The following ZNF423 variants were observed in gnomAD, a reference collection of about 807,000 sequenced individuals.
ZNF423 encodes the protein Ebf-associated zinc finger protein.
Under a neutral mutation model 95.8 loss-of-function variants are expected in ZNF423, and 12 were observed. The ratio of observed to expected loss-of-function variants is 0.13; its 90% CI spans 0.08 to 0.20. The LOEUF is 0.20. ZNF423 is among the 10% of genes least tolerant of loss of function. The pLI is 1.00. For missense variants in ZNF423, 1,316 were observed against 1,737.1 expected (o/e 0.76, Z 4.31); for synonymous variants, 749 against 711.9 (o/e 1.05, Z -0.83).
At chr16:49,620,672 G>T (rs373812728) in intron 5 of ZNF423, among the ~76,000 whole-genome samples, 3 of 152,092 alleles carry the variant, frequency 2.0e-5, no homozygotes, top group Non-Finnish European at 4.4e-5. Context: ...CAAGGGGCCC[G>T]TGAGGCCCTG....
In ZNF423 at chr16:49,707,784, G is replaced by A. The variant is rs144499338; in HGVS notation, c.301+22987C>T. On this transcript the variant is annotated intron_variant, in intron 3 of 7. Transcript: ENST00000563137. Reference sequence around the variant, plus strand: ...CTAGTGCCCTAAGCACTTCCTTGCAGATTTGCAGATCTTATTTTACTTACT... The same window carrying A: ...CTAGTGCCCTAAGCACTTCCTTGCAAATTTGCAGATCTTATTTTACTTACT... Among the ~76,000 whole-genome samples, 200 of 152,142 alleles carry A rather than the reference G, an allele frequency of 1.3e-3. 1 individual carries two copies. Among genetic ancestry groups the A allele is most frequent in the African/African-American group, 4.1e-3 (172 of 41,514 alleles).
intron 7 of ZNF423, among the ~76,000 whole-genome samples, chr16:49,507,020 G>A (rs1228738378): frequency 6.6e-6 from 1 of 152,074 alleles, no homozygotes; most frequent in Non-Finnish European, 1.5e-5. Flanking sequence ...TTGATGAGTT[G>A]ATGAGAAGAC....
Position 49,635,835 on chromosome 16 carries a change from C to G in ZNF423, c.3341G>C (p.Gly1114Ala), listed in dbSNP as rs1424779076. ...GTCGGCGGGCTCGGGCGGGGCCAGG[C>G]CACCCACCTGTCCGTTGGCGCTGCG... ...MARSANGQVGGLAPPEPADRP... is the reference protein window; with the variant it reads ...MARSANGQVGALAPPEPADRP... The change falls in exon 4 of 8, where the codon GGC (glycine) becomes GCC (alanine). Residue 1114 changes from glycine (G) to alanine (A), a missense_variant. Gly to Ala is a moderately conservative substitution (Grantham distance 60). Transcript: ENST00000563137. The surrounding 1 kb of genome is among the most constrained non-coding windows in gnomAD (Gnocchi z 4.8). 3 of 1,605,032 alleles carry G rather than the reference C, an allele frequency of 1.9e-6. No individual in the cohort carries two copies. The African/African-American group carries it at 4.0e-5, about 22-fold the overall frequency.
intron 4 of ZNF423, among the ~76,000 whole-genome samples, chr16:49,629,271 T>C (rs984821924): frequency 5.9e-5 from 9 of 152,260 alleles, no homozygotes; most frequent in Non-Finnish European, 1.3e-4. Flanking sequence ...TCTTGCTTTT[T>C]TCTTTGCATC....
intron 5 of ZNF423, among the ~76,000 whole-genome samples, chr16:49,606,760 G>A (rs1458829545): frequency 6.6e-6 from 1 of 152,220 alleles, no homozygotes; most frequent in Non-Finnish European, 1.5e-5. Context: ...AACACAGCGA[G>A]GAACATTCTA....
intron 3 of ZNF423, among the ~76,000 whole-genome samples, chr16:49,723,716 G>A (rs539273964): frequency 1.3e-5 from 2 of 152,264 alleles, no homozygotes; most frequent in South Asian, 4.1e-4. Flanking sequence ...TTAGATTCCT[G>A]ATCCACTTGG....
chr16:49,772,568 C>T (rs1010089275), intron 2 of ZNF423, among the ~76,000 whole-genome samples: 8 of 152,212 alleles, frequency 5.3e-5, no homozygotes, highest in African/African-American at 1.7e-4. Flanking sequence ...AAGGGAGTGC[C>T]AGGTTCTAAA....
chr16:49,493,571 T>C (rs1967053250), intron 7 of ZNF423, among the ~76,000 whole-genome samples: 1 of 152,086 alleles, frequency 6.6e-6, no homozygotes, highest in African/African-American at 2.4e-5. Flanking sequence ...GGGTGGGTCA[T>C]TCTTTATTAG....
At chr16:49,803,024 G>T (rs1193236934) in intron 1 of ZNF423, among the ~76,000 whole-genome samples, 1 of 152,124 alleles carries the variant, frequency 6.6e-6, no homozygotes, top group African/African-American at 2.4e-5. Flanking sequence ...GGAGGCCAAG[G>T]TGGGAGGATC....
chr16:49,721,207 C>G (rs1196968098), intron 3 of ZNF423, among the ~76,000 whole-genome samples: 1 of 152,142 alleles, frequency 6.6e-6, no homozygotes, highest in East Asian at 1.9e-4. Flanking sequence ...TCAATTTGAG[C>G]CAAGTCTCTA....
chr16:49,555,824 G>A (rs927888522), intron 5 of ZNF423, among the ~76,000 whole-genome samples: 5 of 152,138 alleles, frequency 3.3e-5, no homozygotes, highest in African/African-American at 1.2e-4. Context: ...TGGTGAGATG[G>A]AGAGATGGAT....
intron 3 of ZNF423, among the ~76,000 whole-genome samples, chr16:49,729,818 T>A (rs2033118168): frequency 6.6e-6 from 1 of 152,098 alleles, no homozygotes; most frequent in South Asian, 2.1e-4. Context: ...CAAGATGATA[T>A]GAGGAGTAGA....
chr16:49,576,347 G>C (rs79898773), intron 5 of ZNF423, among the ~76,000 whole-genome samples: 52,259 of 152,142 alleles, frequency 0.34, 9,375 homozygotes, highest in East Asian at 0.61. Context: ...CTCGTGGTGG[G>C]GGCAGGGGCA....
intron 5 of ZNF423, among the ~76,000 whole-genome samples, chr16:49,622,863 A>C (rs1972130794): frequency 4.6e-5 from 7 of 152,172 alleles, no homozygotes. Flanking sequence ...AGCTGTTAGC[A>C]TCCTTATTCA....
intron 4 of ZNF423, among the ~76,000 whole-genome samples, chr16:49,626,609 C>T (rs998159036): frequency 6.6e-6 from 1 of 152,038 alleles, no homozygotes; most frequent in Non-Finnish European, 1.5e-5. Flanking sequence ...ATCTACCCAT[C>T]CACCCATCTA....
In ZNF423 at chr16:49,701,549, C is replaced by T. The variant is rs550756632; in HGVS notation, c.301+29222G>A. On this transcript the variant is annotated intron_variant, in intron 3 of 7. Coordinates refer to ENST00000563137, the MANE Select transcript of ZNF423 (RefSeq NM_001379286.1). ...ACGGTTAATGATAATGAGACGGCAGCGCGCTACAGGAGCTTAACAGCTCTA... is the reference window on the plus strand; with the variant it reads ...ACGGTTAATGATAATGAGACGGCAGTGCGCTACAGGAGCTTAACAGCTCTA... Among the ~76,000 whole-genome samples the T allele has an allele frequency of 5.3e-5, 8 of 152,160 alleles. No homozygotes were observed. In the South Asian group the frequency reaches 1.2e-3, roughly 24 times the overall value.
At chr16:49,658,372 A>T (rs940856024) in intron 3 of ZNF423, among the ~76,000 whole-genome samples, 1 of 152,224 alleles carries the variant, frequency 6.6e-6, no homozygotes, top group African/African-American at 2.4e-5. Flanking sequence ...GAAGAGCCAG[A>T]GCATTTTCAA....
intron 1 of ZNF423, among the ~76,000 whole-genome samples, chr16:49,838,586 A>C (rs1296182466): frequency 1.3e-5 from 2 of 151,934 alleles, no homozygotes; most frequent in Non-Finnish European, 2.9e-5. Context: ...CGAGGCGCAC[A>C]TCTGGCTGGC....
intron 1 of ZNF423, among the ~76,000 whole-genome samples, chr16:49,817,475 C>T (rs1483504977): frequency 2.0e-5 from 3 of 152,120 alleles, no homozygotes; most frequent in East Asian, 1.9e-4. Context: ...ATAAAAGAGA[C>T]GCAGAGGCCT....
Sources: allele counts gnomAD v4.1 joint callset (sites outside exome capture counted in the v4.1 genomes callset), GRCh38; gene constraint gnomAD v4.1.1; non-coding constraint Gnocchi (gnomAD v3.1); transcripts MANE v1.5; gene names NCBI Gene and HGNC (gene_info 2026-07-23, HGNC 2026-07-21).